The following SH3TC1 variants were observed in gnomAD, a reference collection of about 807,000 sequenced individuals.
SH3TC1 encodes SH3 domain and tetratricopeptide repeat-containing protein 1.
SH3TC1 carries 135 observed loss-of-function variants against 117.3 expected under a neutral mutation model. The observed-to-expected ratio is 1.15, with a 90% CI of 1.00 to 1.33. The LOEUF (loss-of-function observed/expected upper bound fraction) is 1.33, where lower values mean the gene tolerates loss of function less well. Ranked by LOEUF, SH3TC1 falls within the 40% of genes most tolerant of loss-of-function variation. SH3TC1 has a pLI of 0.00. For synonymous variants in SH3TC1, 898 were observed against 816.9 expected, an observed-to-expected ratio of 1.10 and a Z score of -1.69; for missense variants, 2,092 against 1,794.3, an observed-to-expected ratio of 1.17 and a Z score of -3.00.
At chr4:8,215,163 C>G in intron 5 of SH3TC1, 1 of 456,304 alleles carries the variant, frequency 2.2e-6, no homozygotes. Context: ...TGTAATTTCA[C>G]TCAACCAGAA....
At position 8,200,543 on chromosome 4, in the gene SH3TC1, G is replaced by T. The variant is rs79734456; in HGVS notation, c.-29+1138G>T. ...ATGACAACTGTGTCCCGTGTGGGGC[G>T]CTGGGCCAGCGTTTTTTGCATGGAG... On this transcript the variant is annotated intron_variant, in intron 1 of 17. Coordinates refer to ENST00000245105, the MANE Select transcript of SH3TC1 (RefSeq NM_018986.5). Among the ~76,000 whole-genome samples the T allele has an allele frequency of 5.1e-4, 78 of 152,330 alleles. 2 individuals carry two copies. The East Asian group carries it at 0.014, about 28-fold the overall frequency.
Position 8,236,440 on chromosome 4 carries a change from G to C in SH3TC1, c.3556+12G>C. On this transcript the variant is annotated intron_variant, in intron 16 of 17. Coordinates refer to ENST00000245105, the MANE Select transcript of SH3TC1 (RefSeq NM_018986.5). ...CAGCATCACCCTGGGTAAGCCCCCT[G>C]AGCCCCTGCCCTGCCAGGACCCACA... is the stretch of plus-strand genomic sequence containing the variant. 1.4e-6 allele frequency: 2 copies of C among 1,439,484 alleles called. No homozygotes were observed. Among genetic ancestry groups the C allele is most frequent in the Non-Finnish European group, 9.2e-7 (1 of 1,087,810 alleles). The allele number at this position is 1,439,484 out of a possible 1,614,324, so 89.2% of individuals were successfully genotyped here.
At chr4:8,198,861 G>A (rs1449959561), upstream of SH3TC1, among the ~76,000 whole-genome samples, 1 of 152,256 alleles carries the variant, frequency 6.6e-6, no homozygotes, top group Non-Finnish European at 1.5e-5. Flanking sequence ...GTGCTTGTGA[G>A]TCTCTGTGTG....
upstream of SH3TC1, among the ~76,000 whole-genome samples, chr4:8,197,629 T>C (rs900915507): frequency 6.6e-6 from 1 of 151,992 alleles, no homozygotes; most frequent in African/African-American, 2.4e-5. Context: ...GCATGGAAGG[T>C]GGGGCCTGGC....
chr4:8,228,439 T>G lies in SH3TC1; in HGVS notation c.2745T>G (p.His915Gln). ...GLANFGALCL[H>Q]AGASRLAQHY... ...CCAACTTCGGGGCCCTGTGCCTGCA[T>G]GCGGGTGCCAGCAGGCTGGCCCAGC... The change falls in exon 12 of 18, where the codon CAT becomes CAG. Residue 915 changes from histidine (H) to glutamine (Q), a missense_variant. By Grantham distance (24) the His-to-Gln change is conservative (BLOSUM62 0). Coordinates refer to ENST00000245105, the MANE Select transcript of SH3TC1 (RefSeq NM_018986.5). 1 of 1,605,108 alleles carries G rather than the reference T, an allele frequency of 6.2e-7. No homozygotes were observed. Among genetic ancestry groups the G allele is most frequent in the Non-Finnish European group, 8.5e-7 (1 of 1,175,668 alleles).
intron 1 of SH3TC1, among the ~76,000 whole-genome samples, chr4:8,187,233 G>C (rs967089361): frequency 6.6e-6 from 1 of 152,216 alleles, no homozygotes; most frequent in Non-Finnish European, 1.5e-5. Context: ...GGAAGACCAC[G>C]ACAGCAAAGT....
In SH3TC1 at chr4:8,216,943, C is replaced by G. The variant is rs756401883; in HGVS notation, c.629-14C>G. The stretch of plus-strand genomic sequence containing the variant: ...GTCCGGCCACCCTCAGTGACCACCT[C>G]CATCCTTTTGAAGGGCCCTTCTTTG... On this transcript the variant is annotated splice_polypyrimidine_tract_variant and intron_variant, in intron 6 of 17. Coordinates refer to ENST00000245105, the MANE Select transcript of SH3TC1 (RefSeq NM_018986.5). 1 of 1,613,880 alleles carries G rather than the reference C, an allele frequency of 6.2e-7. No individual in the cohort carries two copies. Among genetic ancestry groups the G allele is most frequent in the Admixed American group, 1.7e-5 (1 of 60,018 alleles).
intron 4 of SH3TC1, 91 bp downstream of exon 4, chr4:8,212,919 G>A (rs1177122760): frequency 1.0e-5 from 15 of 1,446,100 alleles, no homozygotes; most frequent in Admixed American, 2.5e-5. Flanking sequence ...TGGGGACACA[G>A]GAGGCAGGCC....
chr4:8,214,232 A>T (rs940892013), intron 4 of SH3TC1, among the ~76,000 whole-genome samples: 3 of 152,008 alleles, frequency 2.0e-5, no homozygotes, highest in Non-Finnish European at 2.9e-5. Context: ...GTGAGGAGCC[A>T]GGGCATGGGG....
rs147063218 is a variant in SH3TC1, at chr4:8,222,283, T to A, written c.1113-557T>A. Among the ~76,000 whole-genome samples, 345 of 152,012 alleles carry A rather than the reference T, an allele frequency of 2.3e-3. 2 individuals carry two copies. Among genetic ancestry groups the A allele is most frequent in the Admixed American group, 3.7e-3 (57 of 15,276 alleles). On this transcript the variant is annotated intron_variant, in intron 9 of 17. Transcript: ENST00000245105. Reference sequence around the variant, plus strand: ...CACTGTCCTAGGACACCATTACTTGTTTGCATCTGTTTCAGCCTTTCCTGC... The same window carrying A: ...CACTGTCCTAGGACACCATTACTTGATTGCATCTGTTTCAGCCTTTCCTGC...
upstream of SH3TC1, among the ~76,000 whole-genome samples, chr4:8,197,753 G>A (rs939969348): frequency 6.6e-6 from 1 of 152,282 alleles, no homozygotes; most frequent in Admixed American, 6.5e-5. Context: ...ATCTGCAGCT[G>A]CACCCCCGAT....
chr4:8,191,262 C>T (rs1717407808), intron 1 of SH3TC1, among the ~76,000 whole-genome samples: 1 of 152,254 alleles, frequency 6.6e-6, no homozygotes, highest in Non-Finnish European at 1.5e-5. Context: ...TCCCTGGGCT[C>T]CAGGCTGACG....
chr4:8,207,084 A>G (rs986050702), intron 2 of SH3TC1, among the ~76,000 whole-genome samples: 4 of 151,962 alleles, frequency 2.6e-5, no homozygotes, highest in Non-Finnish European at 4.4e-5. Flanking sequence ...TAGCAAAAAA[A>G]AAAAAAAAAA....
At chr4:8,232,992 C>T in intron 13 of SH3TC1, 7 of 1,196,486 alleles carry the variant, frequency 5.9e-6, no homozygotes, top group Non-Finnish European at 7.4e-6. Flanking sequence ...ATGGACAGGC[C>T]TCTGGATGAC....
chr4:8,236,679 C>T (rs1199651030), intron 16 of SH3TC1: 1 of 427,742 alleles, frequency 2.3e-6, no homozygotes, highest in Non-Finnish European at 4.1e-6. Context: ...GAGGGCTGCC[C>T]AGTGTGCCCT....
intron 12 of SH3TC1, 68 bp downstream of exon 12, chr4:8,228,712 G>T: frequency 7.9e-7 from 1 of 1,261,724 alleles, no homozygotes; most frequent in South Asian, 1.6e-5. Flanking sequence ...TGGGGTTTGT[G>T]ATTCAGACAC....
Position 8,191,958 on chromosome 4 carries a change from C to CATTTATTT in SH3TC1, c.-57+9784_-57+9791dup, listed in dbSNP as rs10705534. Reference sequence around the variant, plus strand: ...GGGGCAGGAGCTGATCTCTGAGTTACATTTATTTATTTATTTATTTATTTA... The same window carrying CATTTATTT: ...GGGGCAGGAGCTGATCTCTGAGTTACATTTATTTATTTATTTATTTATTTATTTATTTA... On this transcript the variant is annotated intron_variant, in intron 1 of 16. Coordinates refer to the SH3TC1 transcript ENST00000508641. Among the ~76,000 whole-genome samples, 1,435 of 148,186 alleles carry CATTTATTT rather than the reference C, an allele frequency of 9.7e-3. 23 individuals are homozygous for CATTTATTT. Among genetic ancestry groups the CATTTATTT allele is most frequent in the African/African-American group, 0.032 (1,263 of 39,608 alleles).
chr4:8,188,609 G>A (rs926170305), intron 1 of SH3TC1, among the ~76,000 whole-genome samples: 1 of 152,232 alleles, frequency 6.6e-6, no homozygotes, highest in Admixed American at 6.5e-5. Context: ...GGACCGCTAC[G>A]CTACCCTTGG....
rs1281151 is a variant in SH3TC1 at position 8,228,508 on chromosome 4, T to C, written c.2814T>C (p.Leu938=). 1,158,307 of 1,610,760 alleles carry C rather than the reference T, an allele frequency of 0.72. 424,820 individuals carry two copies. Among genetic ancestry groups the C allele is most frequent in the Middle Eastern group, 0.8 (4,787 of 6,002 alleles). ...EAVRLFSRLP[L]GECGRDFTHV... is the part of the protein sequence containing the mutation. ...TGCGGCTGTTCTCGAGGCTGCCCCT[T>C]GGGGAGTGTGGCCGGGACTTCACCC... The change falls in exon 12 of 18, where the codon CTT becomes CTC. Residue 938 remains leucine, a synonymous_variant. Coordinates refer to ENST00000245105, the MANE Select transcript of SH3TC1 (RefSeq NM_018986.5).
Sources: allele counts gnomAD v4.1 joint callset (sites outside exome capture counted in the v4.1 genomes callset), GRCh38; gene constraint gnomAD v4.1.1; transcripts MANE v1.5; gene names NCBI Gene and HGNC (gene_info 2026-07-23, HGNC 2026-07-21).